ILRUN: variants seen among roughly 807,000 people sequenced by gnomAD.
ILRUN encodes the protein protein ILRUN.
In ILRUN, 3 loss-of-function variants were observed where a neutral mutation model predicts 33.8. The ratio of observed to expected loss-of-function variants is 0.09; its 90% CI spans 0.04 to 0.23. The LOEUF (loss-of-function observed/expected upper bound fraction) is 0.23, where lower values mean the gene tolerates loss of function less well. Among genes scored for constraint, ILRUN ranks in the 10% least tolerant of loss-of-function variants. The pLI is 1.00. For synonymous variants in ILRUN, 124 were observed against 138.9 expected (o/e 0.89, Z 0.75); for missense variants, 210 against 375.1 (o/e 0.56, Z 3.64).
intron 1 of ILRUN, among the ~76,000 whole-genome samples, chr6:34,677,627 G>T (rs1763263866): frequency 6.6e-6 from 1 of 151,928 alleles, no homozygotes; most frequent in Admixed American, 6.6e-5. Flanking sequence ...TGTTGTTGTT[G>T]TTCCCCAAAG....
chr6:34,696,698 AGCTTCGCGACCCCGCTCCTTTGAGGTAG>A lies in ILRUN; in HGVS notation c.-123_-96del, dbSNP rs1316617291. The A allele has an allele frequency of 1.7e-5, 23 of 1,391,474 alleles. No homozygotes were observed. Among genetic ancestry groups the A allele is most frequent in the Non-Finnish European group, 2.2e-5 (23 of 1,025,574 alleles). The allele number at this position is 1,391,474 out of a possible 1,614,324, so 86.2% of individuals were successfully genotyped here. On this transcript the variant is annotated 5_prime_UTR_variant, in exon 1 of 5. Transcript: ENST00000374023. ...ACCTGGAGGGGGGCCGCTGCTAGCT[AGCTTCGCGACCCCGCTCCTTTGAGGTAG>A]GCCCCGGGCCTCTCACAGTCTCATA...
Position 34,676,221 on chromosome 6 carries a change from T to C in ILRUN, c.158+20225A>G, listed in dbSNP as rs139840307. On this transcript the variant is annotated intron_variant, in intron 1 of 4. Transcript: ENST00000374023. ...GAGTTCCAGACCAGCCTGGGTAACA[T>C]AGCAAGACATTGTCTCTACAAAAAA... Among the ~76,000 whole-genome samples the C allele has an allele frequency of 1.0e-4, 15 of 149,956 alleles. 1 individual carries two copies. The highest frequency in any genetic ancestry group is 8.6e-4 in the Admixed American group (13 of 15,112).
At chr6:34,661,863 C>T (rs970975606) in intron 1 of ILRUN, among the ~76,000 whole-genome samples, 4 of 152,056 alleles carry the variant, frequency 2.6e-5, no homozygotes, top group African/African-American at 7.2e-5. Flanking sequence ...CGGTGGCTCA[C>T]GCCTGTAATC....
At chr6:34,603,461 C>G (rs1056514895) in intron 4 of ILRUN, among the ~76,000 whole-genome samples, 5 of 152,116 alleles carry the variant, frequency 3.3e-5, no homozygotes, top group African/African-American at 1.2e-4. Flanking sequence ...GGTGAAACCC[C>G]GTCTCTACTA....
chr6:34,643,093 C>T (rs1762504844), intron 3 of ILRUN, among the ~76,000 whole-genome samples: 1 of 151,846 alleles, frequency 6.6e-6, no homozygotes, highest in Non-Finnish European at 1.5e-5. Flanking sequence ...GTCAGGAGTT[C>T]AAGAACAGCC....
intron 1 of ILRUN, among the ~76,000 whole-genome samples, chr6:34,663,745 A>C (rs947434851): frequency 4.6e-5 from 7 of 152,202 alleles, no homozygotes; most frequent in African/African-American, 1.7e-4. Context: ...AATTTACAGA[A>C]TTGTACAACC....
intron 1 of ILRUN, among the ~76,000 whole-genome samples, chr6:34,692,894 G>GA (rs1763675875): frequency 1.3e-5 from 2 of 151,738 alleles, no homozygotes; most frequent in South Asian, 2.1e-4. Flanking sequence ...TGAGAAAAAG[G>GA]AAAAAAATTA....
intron 1 of ILRUN, among the ~76,000 whole-genome samples, chr6:34,668,511 T>C (rs1763048601): frequency 6.6e-6 from 1 of 152,154 alleles, no homozygotes; most frequent in Non-Finnish European, 1.5e-5. Flanking sequence ...TGATAACACC[T>C]ACTTTTCTTG....
chr6:34,648,617 G>A (rs1762603216), intron 2 of ILRUN, among the ~76,000 whole-genome samples: 1 of 152,174 alleles, frequency 6.6e-6, no homozygotes, highest in Admixed American at 6.5e-5. Context: ...TTTCATTTCT[G>A]AGGTCTGGCA....
intron 2 of ILRUN, among the ~76,000 whole-genome samples, chr6:34,647,674 C>T (rs895567694): frequency 1.3e-5 from 2 of 152,212 alleles, no homozygotes; most frequent in Non-Finnish European, 2.9e-5. Flanking sequence ...ACACAATTCT[C>T]CTGCTTCAGC....
At chr6:34,658,034 G>A (rs1175764535) in intron 1 of ILRUN, among the ~76,000 whole-genome samples, 1 of 152,200 alleles carries the variant, frequency 6.6e-6, no homozygotes, top group East Asian at 1.9e-4. Flanking sequence ...AACGTTAACA[G>A]TGATAAAAAG....
At chr6:34,680,525 C>G (rs769576213) in intron 1 of ILRUN, among the ~76,000 whole-genome samples, 3 of 151,916 alleles carry the variant, frequency 2.0e-5, no homozygotes, top group African/African-American at 7.3e-5. Context: ...AGTGCAGTGG[C>G]GCCATCTCGG....
At chr6:34,655,727 C>A (rs1288590781) in intron 1 of ILRUN, among the ~76,000 whole-genome samples, 1 of 152,116 alleles carries the variant, frequency 6.6e-6, no homozygotes, top group South Asian at 2.1e-4. Flanking sequence ...TACTGCTGTG[C>A]CAGAGTTTGT....
chr6:34,645,462 C>A (rs1014508446), intron 3 of ILRUN, among the ~76,000 whole-genome samples: 3 of 152,068 alleles, frequency 2.0e-5, no homozygotes, highest in African/African-American at 7.2e-5. Flanking sequence ...GCAACCTCGA[C>A]CTCCTAGGCT....
chr6:34,686,135 G>T (rs1352054708), intron 1 of ILRUN, among the ~76,000 whole-genome samples: 10 of 152,120 alleles, frequency 6.6e-5, no homozygotes, highest in Non-Finnish European at 1.5e-4. Flanking sequence ...AAAGTGAAAA[G>T]ACAGCCTACA....
intron 1 of ILRUN, among the ~76,000 whole-genome samples, chr6:34,674,837 A>C (rs1020123892): frequency 1.3e-5 from 2 of 151,176 alleles, no homozygotes; most frequent in Non-Finnish European, 3.0e-5. Context: ...AGGCAGGAGG[A>C]TCAGTTGAGC....
At chr6:34,602,243 G>A (rs984102849) in intron 4 of ILRUN, among the ~76,000 whole-genome samples, 1 of 152,108 alleles carries the variant, frequency 6.6e-6, no homozygotes, top group Non-Finnish European at 1.5e-5. Flanking sequence ...AAGCAAAGCA[G>A]GTAGCTGTCC....
At chr6:34,635,879 C>T (rs1762358475) in intron 3 of ILRUN, among the ~76,000 whole-genome samples, 1 of 152,126 alleles carries the variant, frequency 6.6e-6, no homozygotes, top group Admixed American at 6.6e-5. Context: ...GCCTCAGCCT[C>T]CCAAAGTGCT....
At chr6:34,613,397 T>C (rs1582044534) in intron 3 of ILRUN, among the ~76,000 whole-genome samples, 1 of 152,204 alleles carries the variant, frequency 6.6e-6, no homozygotes, top group Admixed American at 6.5e-5. Flanking sequence ...AATGTCTGCA[T>C]ACATGTAAAA....
Sources: gnomAD v4.1 joint callset for allele counts (sites outside exome capture counted in the v4.1 genomes callset) on GRCh38, gnomAD v4.1.1 for gene constraint, MANE v1.5 for transcripts, NCBI Gene and HGNC (gene_info 2026-07-23, HGNC 2026-07-21) for gene names.